Variants in CUBN observed in about 807,000 individuals in gnomAD.
The protein encoded by CUBN is 460 kDa receptor.
CUBN carries 282 observed loss-of-function variants against 405.3 expected under a neutral mutation model. The observed-to-expected ratio is 0.70, with a 90% CI of 0.63 to 0.77. The LOEUF (loss-of-function observed/expected upper bound fraction) is 0.77, where lower values mean the gene tolerates loss of function less well. Among genes scored for constraint, CUBN ranks in the 30% least tolerant of loss-of-function variants. The pLI is 0.00. For missense variants in CUBN, 4,514 were observed against 4,475.2 expected, an observed-to-expected ratio of 1.01 and a Z score of -0.25; for synonymous variants, 1,684 against 1,617.0, an observed-to-expected ratio of 1.04 and a Z score of -0.99.
intron 28 of CUBN, among the ~76,000 whole-genome samples, chr10:17,016,554 T>C (rs1834333289): frequency 6.6e-6 from 1 of 152,226 alleles, no homozygotes; most frequent in Non-Finnish European, 1.5e-5. Flanking sequence ...TCTATGTACC[T>C]ATCAGGATCA....
chr10:17,104,431 C>A lies in CUBN; in HGVS notation c.1405G>T (p.Val469Phe), dbSNP rs780440368. ...ATGCTGACTGTACCTTGCTGAGGAA[C>A]CTGACAGAGAGCTCCAGTCCAGAGA... ...TRLWTGALCQ[V>F]PQQVCGESLS... The change falls in exon 12 of 67, where the codon GTT becomes TTT. Residue 469 changes from valine to phenylalanine, a missense_variant. Val to Phe is a conservative substitution (Grantham distance 50). Transcript: ENST00000377833. 3.0e-5 allele frequency: 49 copies of A among 1,613,864 alleles called. 1 individual carries two copies. The highest frequency in any genetic ancestry group is 1.1e-4 in the South Asian group (10 of 91,092).
intron 24 of CUBN, 61 bp from the exon 25 acceptor site, chr10:17,045,249 T>C: frequency 6.6e-7 from 1 of 1,520,146 alleles, no homozygotes; most frequent in South Asian, 1.1e-5. Context: ...TTGAATCTTT[T>C]TGTCTGCATT....
intron 32 of CUBN, among the ~76,000 whole-genome samples, chr10:16,952,845 G>A (rs1459023285): frequency 1.3e-5 from 2 of 152,198 alleles, no homozygotes; most frequent in African/African-American, 4.8e-5. Flanking sequence ...AGGGAGAGGC[G>A]GTCACCGCTG....
At chr10:16,961,873 G>A (rs1373723539) in intron 31 of CUBN, among the ~76,000 whole-genome samples, 2 of 151,900 alleles carry the variant, frequency 1.3e-5, no homozygotes, top group East Asian at 1.9e-4. Flanking sequence ...CACTACGCCT[G>A]GCTAATTTTT....
chr10:17,085,837 A>C, intron 15 of CUBN, 78 bp from the exon 16 acceptor site: 1 of 1,276,940 alleles, frequency 7.8e-7, no homozygotes. Context: ...TATTAACTTC[A>C]TAAAATCTAT....
At chr10:17,115,393 T>G in intron 7 of CUBN, 78 bp downstream of exon 7, 2 of 1,580,834 alleles carry the variant, frequency 1.3e-6, no homozygotes, top group South Asian at 2.2e-5. Flanking sequence ...GTAGTGCTTG[T>G]ATGCAGTGGG....
Position 16,952,368 on chromosome 10 carries a change from G to A in CUBN, c.4877C>T (p.Thr1626Ile), listed in dbSNP as rs1367160123. The change falls in exon 33 of 67, where the codon ACC (threonine) becomes ATC (isoleucine). Residue 1626 changes from threonine (T) to isoleucine (I), a missense_variant. Thr to Ile is a moderately conservative substitution (Grantham distance 89). Around this residue, in one of 5 missense-constraint regions of CUBN, gnomAD observed 1,613 missense variants for 1,542.8 expected, o/e 1.05. Coordinates refer to ENST00000377833, the MANE Select transcript of CUBN (RefSeq NM_001081.4). ...AGAGGAAACAGTATCAAATGAGCTG[G>A]TGAGGATGTGGCCTCCGCAGGCTGG... is the stretch of plus-strand genomic sequence containing the variant. ...FRQACGGHIL[T>I]SSFDTVSSPR... 66 of 1,613,302 alleles carry A rather than the reference G, an allele frequency of 4.1e-5. No individual in the cohort carries two copies. Among genetic ancestry groups the A allele is most frequent in the Non-Finnish European group, 5.0e-5 (59 of 1,179,402 alleles).
intron 27 of CUBN, among the ~76,000 whole-genome samples, chr10:17,029,700 G>A (rs1180784990): frequency 1.3e-5 from 2 of 152,180 alleles, no homozygotes; most frequent in Non-Finnish European, 2.9e-5. Context: ...GTTCCAGGAA[G>A]CATGACTCAT....
chr10:16,839,010 T>C (rs1463660705), intron 62 of CUBN, among the ~76,000 whole-genome samples: 1 of 152,176 alleles, frequency 6.6e-6, no homozygotes, highest in Non-Finnish European at 1.5e-5. Context: ...CCAAACAGCC[T>C]CTTCACTGAT....
At chr10:17,004,379 CAA>C (rs1833962664) in intron 28 of CUBN, among the ~76,000 whole-genome samples, 3 of 152,164 alleles carry the variant, frequency 2.0e-5, no homozygotes, top group Admixed American at 6.6e-5. Context: ...TAGTTTATTC[CAA>C]AGTCTCTTTC....
chr10:17,112,324 G>A (rs1013561357), intron 8 of CUBN, among the ~76,000 whole-genome samples: 6 of 151,910 alleles, frequency 3.9e-5, no homozygotes, highest in Admixed American at 1.3e-4. Flanking sequence ...GGTCCTCTGT[G>A]TGATAAGATC....
rs555905049 is a variant in CUBN at position 17,078,887 on chromosome 10, T to A, written c.2301+5384A>T. 1.2e-4 allele frequency among the ~76,000 whole-genome samples: 19 copies of A among 152,316 alleles called. 1 individual carries two copies. Among genetic ancestry groups the A allele is most frequent in the Middle Eastern group, 3.4e-3 (1 of 294 alleles). On this transcript the variant is annotated intron_variant, in intron 17 of 66. Transcript: ENST00000377833. ...TGTTCTTGATAATGGTCCATCCATA[T>A]CCTCTTATTCCTGCTTACTGCTCTA... is the stretch of plus-strand genomic sequence containing the variant.
chr10:17,125,923 G>A (rs571196769), intron 4 of CUBN, among the ~76,000 whole-genome samples: 41 of 152,220 alleles, frequency 2.7e-4, no homozygotes, highest in South Asian at 6.2e-4. Flanking sequence ...AGGAATACAC[G>A]AACTTGATCA....
At chr10:17,125,818 C>T (rs189401118) in intron 4 of CUBN, among the ~76,000 whole-genome samples, 5 of 152,286 alleles carry the variant, frequency 3.3e-5, no homozygotes, top group African/African-American at 9.6e-5. Flanking sequence ...TGCAGTGTCA[C>T]GGTCCACAGC....
At chr10:17,014,008 C>T (rs967742228) in intron 28 of CUBN, among the ~76,000 whole-genome samples, 3 of 152,140 alleles carry the variant, frequency 2.0e-5, no homozygotes, top group Admixed American at 1.3e-4. Flanking sequence ...GGTTGAGGGC[C>T]GTGCATGTAC....
At chr10:16,975,078 C>T (rs1273078004) in intron 31 of CUBN, among the ~76,000 whole-genome samples, 2 of 152,202 alleles carry the variant, frequency 1.3e-5, no homozygotes, top group Non-Finnish European at 2.9e-5. Flanking sequence ...GACAGGGAAG[C>T]AGGGGGCCAA....
chr10:17,088,822 T>C (rs905668883), intron 14 of CUBN, among the ~76,000 whole-genome samples: 1 of 152,244 alleles, frequency 6.6e-6, no homozygotes, highest in Non-Finnish European at 1.5e-5. Context: ...AGTTAAAACA[T>C]TCATTTAATA....
chr10:17,084,565 A>C (rs1029710849), intron 16 of CUBN, 104 bp from the exon 17 acceptor site: 8 of 822,370 alleles, frequency 9.7e-6, no homozygotes, highest in African/African-American at 5.2e-5. Flanking sequence ...CACACACACA[A>C]GCACATATCC....
intron 14 of CUBN, among the ~76,000 whole-genome samples, chr10:17,096,400 T>C (rs575638595): frequency 1.2e-4 from 18 of 152,246 alleles, no homozygotes; most frequent in Non-Finnish European, 1.5e-4. Flanking sequence ...ATTGTACATC[T>C]TAAATATATA....
Sources: allele counts gnomAD v4.1 joint callset (sites outside exome capture counted in the v4.1 genomes callset), GRCh38; gene constraint gnomAD v4.1.1; regional missense constraint gnomAD v4.1.1; transcripts MANE v1.5; gene names NCBI Gene and HGNC (gene_info 2026-07-23, HGNC 2026-07-21).